The following GNA13 variants were observed in gnomAD, a reference collection of about 807,000 sequenced individuals.
GNA13 encodes the protein G protein subunit alpha 13.
Under a neutral mutation model 33.5 loss-of-function variants are expected in GNA13, and 4 were observed. The observed-to-expected ratio is 0.12, with a 90% CI of 0.06 to 0.27. The LOEUF is 0.27. Among genes scored for constraint, GNA13 ranks in the 10% least tolerant of loss-of-function variants. The pLI is 1.00. For synonymous variants in GNA13, 176 were observed against 183.8 expected, an observed-to-expected ratio of 0.96 and a Z score of 0.34; for missense variants, 319 against 487.2, an observed-to-expected ratio of 0.65 and a Z score of 3.25.
At chr17:65,016,486 G>A (rs912392576) in intron 3 of GNA13, among the ~76,000 whole-genome samples, 14 of 152,060 alleles carry the variant, frequency 9.2e-5, no homozygotes, top group Non-Finnish European at 1.6e-4. Context: ...TCAGCCTCCC[G>A]AATAGCTGGG....
chr17:65,039,096 A>T (rs1297237808), intron 2 of GNA13, among the ~76,000 whole-genome samples: 1 of 152,202 alleles, frequency 6.6e-6, no homozygotes, highest in East Asian at 1.9e-4. Flanking sequence ...TTGAGTAAAT[A>T]GCACCAATAT....
At position 65,044,021 on chromosome 17, in the gene GNA13, T is replaced by C. The variant is rs563961863; in HGVS notation, c.510+9481A>G. 8.5e-5 allele frequency among the ~76,000 whole-genome samples: 13 copies of C among 152,128 alleles called. No individual in the cohort carries two copies. The East Asian group carries it at 9.7e-4, about 11-fold the overall frequency. On this transcript the variant is annotated intron_variant, in intron 2 of 3. Coordinates refer to ENST00000439174, the MANE Select transcript of GNA13 (RefSeq NM_006572.6). ...CCAGTAATCTCAGCTACTCGGGAGATTGAGGTGGGAAGGTTGCTTGAGCTG... is the reference window on the plus strand; with the variant it reads ...CCAGTAATCTCAGCTACTCGGGAGACTGAGGTGGGAAGGTTGCTTGAGCTG...
At chr17:65,021,210 A>G (rs1906570669) in intron 2 of GNA13, among the ~76,000 whole-genome samples, 1 of 152,224 alleles carries the variant, frequency 6.6e-6, no homozygotes, top group Non-Finnish European at 1.5e-5. Context: ...TCCAGCCCCA[A>G]GATAGACTTT....
chr17:65,040,840 T>A (rs1439521307), intron 2 of GNA13, among the ~76,000 whole-genome samples: 1 of 152,172 alleles, frequency 6.6e-6, no homozygotes, highest in African/African-American at 2.4e-5. Flanking sequence ...ACTTTATCTG[T>A]CTAAAGTATA....
At chr17:65,018,374 C>T in intron 2 of GNA13, 71 bp from the exon 3 acceptor site, 2 of 829,796 alleles carry the variant, frequency 2.4e-6, no homozygotes, top group South Asian at 2.7e-5. Context: ...CAGTTTACAT[C>T]ATACTGTCTG....
At chr17:65,024,181 G>A (rs1342222969) in intron 2 of GNA13, among the ~76,000 whole-genome samples, 1 of 152,158 alleles carries the variant, frequency 6.6e-6, no homozygotes, top group East Asian at 1.9e-4. Flanking sequence ...TGAGCCCGGG[G>A]GTTGAGGCTG....
At position 65,015,582 on chromosome 17, in the gene GNA13, G is replaced by A. The variant is rs539595261; in HGVS notation, c.562-753C>T. 4.2e-3 allele frequency among the ~76,000 whole-genome samples: 607 copies of A among 145,812 alleles called. 5 individuals carry two copies. Among genetic ancestry groups the A allele is most frequent in the South Asian group, 8.2e-3 (37 of 4,490 alleles). On this transcript the variant is annotated intron_variant, in intron 3 of 3. Transcript: ENST00000439174. ...GGAGGCTGAGGCAGGAGAGTGGTGT[G>A]AACCCAGGAGGTGGAGCTTGCAGTG...
intron 1 of GNA13, 63 bp downstream of exon 1, chr17:65,056,248 C>CCCCCCCCCCCCCCCCCCCCCCCCCCA: frequency 1.9e-6 from 2 of 1,063,992 alleles, no homozygotes; most frequent in Non-Finnish European, 2.7e-6. Flanking sequence ...TGCCCCGCCC[C>CCCCCCCCCCCCCCCCCCCCCCCCCCA]GCACCCGCCG....
At chr17:65,028,857 C>T (rs1177591436) in intron 2 of GNA13, among the ~76,000 whole-genome samples, 1 of 152,138 alleles carries the variant, frequency 6.6e-6, no homozygotes, top group Non-Finnish European at 1.5e-5. Flanking sequence ...GCTACAGCCT[C>T]TACATGCAGT....
chr17:65,054,447 C>G (rs1417941339), intron 1 of GNA13, among the ~76,000 whole-genome samples: 2 of 152,156 alleles, frequency 1.3e-5, no homozygotes, highest in Admixed American at 1.3e-4. Context: ...AGGAAGTCAT[C>G]TGAATAACTG....
intron 2 of GNA13, among the ~76,000 whole-genome samples, chr17:65,046,941 A>T (rs1477525394): frequency 1.3e-5 from 2 of 152,226 alleles, no homozygotes; most frequent in Non-Finnish European, 2.9e-5. Context: ...CAGCCAGTCA[A>T]GTTTTCACCC....
At chr17:65,041,486 A>G in intron 2 of GNA13, among the ~76,000 whole-genome samples, 1 of 152,106 alleles carries the variant, frequency 6.6e-6, no homozygotes, top group Non-Finnish European at 1.5e-5. Context: ...AGATCTCACA[A>G]AAAACATGGA....
At position 65,049,736 on chromosome 17, in the gene GNA13, T is replaced by C. The variant is rs541644565; in HGVS notation, c.510+3766A>G. ...ATGGAGCAAATTCATCCAAACCACC[T>C]ATGGCTATTTGCTGAAAACACAGAT... On this transcript the variant is annotated intron_variant, in intron 2 of 3. Transcript: ENST00000439174. Among the ~76,000 whole-genome samples, 15 of 152,324 alleles carry C rather than the reference T, an allele frequency of 9.8e-5. No homozygotes were observed. In the South Asian group the frequency reaches 2.9e-3, roughly 29 times the overall value.
chr17:65,027,129 G>T (rs989460413), intron 2 of GNA13, among the ~76,000 whole-genome samples: 1 of 152,240 alleles, frequency 6.6e-6, no homozygotes, highest in Non-Finnish European at 1.5e-5. Context: ...CAGAAGGAAA[G>T]AAACCATTTT....
At chr17:65,037,148 T>A (rs1907277123) in intron 2 of GNA13, among the ~76,000 whole-genome samples, 1 of 152,248 alleles carries the variant, frequency 6.6e-6, no homozygotes, top group African/African-American at 2.4e-5. Context: ...TGTATTTGCC[T>A]GACCCAGCAG....
chr17:65,031,886 GAGAGAGAGAA>G (rs1451807972), intron 2 of GNA13, among the ~76,000 whole-genome samples: 5 of 128,222 alleles, frequency 3.9e-5, no homozygotes, highest in Non-Finnish European at 3.3e-5. Context: ...GAGAGAGAGA[GAGAGAGAGAA>G]AGAGAGAGAG....
chr17:65,034,410 T>C (rs1907169881), intron 2 of GNA13, among the ~76,000 whole-genome samples: 1 of 151,908 alleles, frequency 6.6e-6, no homozygotes. Context: ...AGTCTTTTCC[T>C]GCCTCAGCCT....
At chr17:65,035,442 C>T (rs1318640084) in intron 2 of GNA13, among the ~76,000 whole-genome samples, 2 of 152,142 alleles carry the variant, frequency 1.3e-5, no homozygotes, top group Admixed American at 1.3e-4. Flanking sequence ...TATTCAAATA[C>T]TGGAAGGAAA....
intron 2 of GNA13, among the ~76,000 whole-genome samples, chr17:65,025,193 CA>C (rs1256986303): frequency 1.3e-5 from 2 of 152,134 alleles, no homozygotes; most frequent in African/African-American, 2.4e-5. Flanking sequence ...CCACTACACC[CA>C]GCTGTAAAAG....
Sources: allele counts gnomAD v4.1 joint callset (sites outside exome capture counted in the v4.1 genomes callset), GRCh38; gene constraint gnomAD v4.1.1; transcripts MANE v1.5; gene names NCBI Gene and HGNC (gene_info 2026-07-23, HGNC 2026-07-21).